Variants in BANK1 observed in about 807,000 individuals in gnomAD.
The protein encoded by BANK1 is B-cell scaffold protein with ankyrin repeats.
A neutral mutation model predicts 94.5 loss-of-function variants in BANK1; 95 were observed. That is an observed-to-expected ratio of 1.00 (90% CI 0.85 to 1.19). The LOEUF is 1.19. BANK1 is among the 50% of genes most tolerant of loss of function. BANK1 has a pLI of 0.00. For synonymous variants in BANK1, 334 were observed against 308.4 expected, an observed-to-expected ratio of 1.08 and a Z score of -0.87; for missense variants, 987 against 932.2, an observed-to-expected ratio of 1.06 and a Z score of -0.77.
At position 101,872,356 on chromosome 4, in the gene BANK1, G is replaced by A. The variant is rs563431283; in HGVS notation, c.903+1712G>A. 3.9e-5 allele frequency among the ~76,000 whole-genome samples: 6 copies of A among 152,246 alleles called. No homozygotes were observed. In the South Asian group the frequency reaches 1.2e-3, roughly 32 times the overall value. ...TGTGGGATTAGAGAAAACAAAATCT[G>A]AGACTGGGATCTCAGACCAGATCAA... On this transcript the variant is annotated intron_variant, in intron 5 of 16. Coordinates refer to ENST00000322953, the MANE Select transcript of BANK1 (RefSeq NM_017935.5).
intron 11 of BANK1, among the ~76,000 whole-genome samples, chr4:102,052,113 C>CTTTTTTT (rs199811166): frequency 6.2e-3 from 638 of 103,498 alleles, no homozygotes; most frequent in Middle Eastern, 0.013. Flanking sequence ...TTCTTTTTTT[C>CTTTTTTT]TTTTTTTTTT....
intron 7 of BANK1, among the ~76,000 whole-genome samples, chr4:101,966,637 G>A (rs552690893): frequency 3.3e-5 from 5 of 151,954 alleles, no homozygotes; most frequent in East Asian, 1.9e-4. Context: ...TTAAATTATC[G>A]TTGACTATTG....
intron 1 of BANK1, among the ~76,000 whole-genome samples, chr4:101,819,628 C>T (rs903891082): frequency 3.3e-5 from 5 of 152,112 alleles, no homozygotes; most frequent in Admixed American, 6.5e-5. Flanking sequence ...TTTATATTGT[C>T]TCTAATGATT....
intron 7 of BANK1, among the ~76,000 whole-genome samples, chr4:101,963,694 C>CT (rs1724647714): frequency 6.6e-6 from 1 of 152,056 alleles, no homozygotes; most frequent in South Asian, 2.1e-4. Flanking sequence ...AGATACAATG[C>CT]TTTTCAAACC....
At chr4:101,969,408 A>G (rs760887321) in intron 7 of BANK1, among the ~76,000 whole-genome samples, 3 of 152,130 alleles carry the variant, frequency 2.0e-5, no homozygotes, top group Non-Finnish European at 4.4e-5. Context: ...AATGAGAAAC[A>G]CTTGATAAAA....
intron 6 of BANK1, among the ~76,000 whole-genome samples, chr4:101,903,723 G>A (rs958352936): frequency 6.6e-6 from 1 of 152,152 alleles, no homozygotes; most frequent in Non-Finnish European, 1.5e-5. Flanking sequence ...AGAGCAGGTC[G>A]TATGCAATTA....
intron 6 of BANK1, among the ~76,000 whole-genome samples, chr4:101,911,249 TGAAAAA>T (rs1254594077): frequency 1.3e-5 from 2 of 152,034 alleles, no homozygotes; most frequent in African/African-American, 2.4e-5. Context: ...GTCATTGAAG[TGAAAAA>T]GAAAGAGAAC....
At chr4:101,802,449 C>A (rs1212042284) in intron 1 of BANK1, among the ~76,000 whole-genome samples, 1 of 152,112 alleles carries the variant, frequency 6.6e-6, no homozygotes, top group Non-Finnish European at 1.5e-5. Context: ...TATTTCTGAG[C>A]AACATATGGG....
At chr4:102,043,788 A>AT in intron 10 of BANK1, 51 bp from the exon 11 acceptor site, 1 of 1,276,534 alleles carries the variant, frequency 7.8e-7, no homozygotes, top group Non-Finnish European at 1.1e-6. Context: ...TACAGTATGG[A>AT]TTTTTTGAAC....
chr4:102,052,113 CTT>C lies in BANK1; in HGVS notation c.1970-8076_1970-8075del, dbSNP rs199811166. On this transcript the variant is annotated intron_variant, in intron 11 of 16. Coordinates refer to ENST00000322953, the MANE Select transcript of BANK1 (RefSeq NM_017935.5). ...GATTCCATAGATGTGTTCTTTTTTT[CTT>C]TTTTTTTTTTTTTTTTTTTTTGAGA... is the stretch of plus-strand genomic sequence containing the variant. 4.7e-3 allele frequency among the ~76,000 whole-genome samples: 487 copies of C among 103,948 alleles called. 2 individuals are homozygous for C. The highest frequency in any genetic ancestry group is 0.013 in the African/African-American group (311 of 24,376). The allele number at this position is 103,948 out of a possible 152,430, so 68.2% of individuals were successfully genotyped here.
chr4:102,029,885 A>G (rs1727229344), intron 9 of BANK1, 75 bp from the exon 10 acceptor site: 1 of 1,459,892 alleles, frequency 6.8e-7, no homozygotes, highest in Middle Eastern at 2.4e-4. Context: ...GGGAAGCTCA[A>G]AAAAGTGACA....
intron 15 of BANK1, among the ~76,000 whole-genome samples, chr4:102,073,365 A>G (rs142908337): frequency 3.9e-4 from 59 of 152,078 alleles, no homozygotes; most frequent in African/African-American, 1.3e-3. Context: ...AGATTCTTCT[A>G]TAAGAGCTGA....
At chr4:101,849,564 C>T (rs987780493) in intron 2 of BANK1, among the ~76,000 whole-genome samples, 9 of 151,968 alleles carry the variant, frequency 5.9e-5, no homozygotes, top group Admixed American at 3.3e-4. Flanking sequence ...TATACACACA[C>T]TCATATTCTT....
At chr4:102,009,696 G>T (rs1726419981) in intron 7 of BANK1, among the ~76,000 whole-genome samples, 1 of 152,148 alleles carries the variant, frequency 6.6e-6, no homozygotes, top group East Asian at 1.9e-4. Context: ...ATTAAATGAG[G>T]ATTAAAAATA....
At position 102,018,398 on chromosome 4, in the gene BANK1, A is replaced by T. The variant is rs191932200; in HGVS notation, c.1207-3116A>T. The stretch of plus-strand genomic sequence containing the variant: ...TGGAAAGTTGTGCAAGAGTTGGGGC[A>T]ATTACAATATCTTCAGAATCTCATA... On this transcript the variant is annotated intron_variant, in intron 7 of 16. Coordinates refer to ENST00000322953, the MANE Select transcript of BANK1 (RefSeq NM_017935.5). Among the ~76,000 whole-genome samples, 188 of 152,308 alleles carry T rather than the reference A, an allele frequency of 1.2e-3. 1 individual carries two copies. Among genetic ancestry groups the T allele is most frequent in the Non-Finnish European group, 2.0e-3 (135 of 68,022 alleles).
intron 6 of BANK1, among the ~76,000 whole-genome samples, chr4:101,902,053 C>T (rs1722305159): frequency 6.6e-6 from 1 of 152,184 alleles, no homozygotes; most frequent in Non-Finnish European, 1.5e-5. Flanking sequence ...AGCCACCACG[C>T]CTGGCCCATC....
intron 6 of BANK1, among the ~76,000 whole-genome samples, chr4:101,914,886 A>T (rs1201041431): frequency 2.0e-5 from 3 of 152,130 alleles, no homozygotes; most frequent in African/African-American, 7.2e-5. Flanking sequence ...AACCACAAAA[A>T]CTGTGACAGT....
intron 7 of BANK1, among the ~76,000 whole-genome samples, chr4:101,922,506 G>A (rs560364366): frequency 7.2e-4 from 110 of 151,774 alleles, no homozygotes; most frequent in Non-Finnish European, 1.4e-3. Flanking sequence ...TATTTTTCTC[G>A]TTGATGGTAC....
At chr4:101,957,875 C>T (rs1330818273) in intron 7 of BANK1, among the ~76,000 whole-genome samples, 3 of 138,318 alleles carry the variant, frequency 2.2e-5, no homozygotes, top group African/African-American at 5.4e-5. Context: ...GACGGAGTCT[C>T]GCTCTGTCGC....
Sources: allele counts gnomAD v4.1 joint callset (sites outside exome capture counted in the v4.1 genomes callset), GRCh38; gene constraint gnomAD v4.1.1; transcripts MANE v1.5; gene names NCBI Gene and HGNC (gene_info 2026-07-23, HGNC 2026-07-21).